ZNF491: variants seen among roughly 807,000 people sequenced by gnomAD.
ZNF491 encodes zinc finger protein 491.
Under a neutral mutation model 34.7 loss-of-function variants are expected in ZNF491, and 22 were observed. The observed-to-expected ratio is 0.63, with a 90% CI of 0.45 to 0.90. The LOEUF is 0.90. Ranked by LOEUF, ZNF491 falls within the 40% of genes least tolerant of loss-of-function variation. ZNF491 has a pLI of 0.00. For missense variants in ZNF491, 559 were observed against 531.7 expected, an observed-to-expected ratio of 1.05 and a Z score of -0.51; for synonymous variants, 148 against 174.3, an observed-to-expected ratio of 0.85 and a Z score of 1.19.
At chr19:11,803,200 T>C (rs1975574471) in intron 1 of ZNF491, among the ~76,000 whole-genome samples, 1 of 152,076 alleles carries the variant, frequency 6.6e-6, no homozygotes, top group Admixed American at 6.6e-5. Context: ...CCAGCCTGGT[T>C]TTGAACTCCT....
At position 11,806,964 on chromosome 19, in the gene ZNF491, A is replaced by T; in HGVS notation, c.1011A>T (p.Arg337Ser). The T allele has an allele frequency of 6.2e-7, 1 of 1,612,466 alleles. No individual in the cohort carries two copies. Among genetic ancestry groups the T allele is most frequent in the Non-Finnish European group, 8.5e-7 (1 of 1,179,506 alleles). Residue 337 changes from arginine (R) to serine (S), a missense_variant, in exon 3 of 3, where the codon AGA (arginine) becomes AGT (serine). Physicochemically the swap from Arg to Ser is moderately radical, Grantham distance 110. Coordinates refer to ENST00000323169, the MANE Select transcript of ZNF491 (RefSeq NM_152356.4). ...GTAAGCAATGTGGGAAAGCCTTCAG[A>T]TCTGCCAAGTACATTCGAATACATG... ...DGCKQCGKAF[R>S]SAKYIRIHGR... is the part of the protein sequence containing the mutation.
intron 1 of ZNF491, among the ~76,000 whole-genome samples, chr19:11,801,609 C>G (rs182006358): frequency 6.6e-6 from 1 of 152,158 alleles, no homozygotes; most frequent in African/African-American, 2.4e-5. Flanking sequence ...GAACCAAGAT[C>G]GCGCCATTGC....
Position 11,807,284 on chromosome 19 carries a change from TA to T in ZNF491, c.*19del. 4 of 1,440,512 alleles carry T rather than the reference TA, an allele frequency of 2.8e-6. No individual in the cohort carries two copies. Among genetic ancestry groups the T allele is most frequent in the Non-Finnish European group, 3.7e-6 (4 of 1,077,066 alleles). The allele number at this position is 1,440,512 out of a possible 1,614,324, so 89.2% of individuals were successfully genotyped here. A position where few individuals can be genotyped will look rare whatever the true frequency, so the allele number is the denominator to read the frequency against. On this transcript the variant is annotated 3_prime_UTR_variant, in exon 3 of 3. Coordinates refer to ENST00000323169, the MANE Select transcript of ZNF491 (RefSeq NM_152356.4). ...AATATATGAGAGAAATGCTATTTTT[TA>T]ATTTTTATTTTAATAGAGACAGGGT...
intron 1 of ZNF491, among the ~76,000 whole-genome samples, chr19:11,802,980 C>CTT (rs60046800): frequency 2.2e-5 from 3 of 136,772 alleles, no homozygotes; most frequent in Admixed American, 7.4e-5. Flanking sequence ...TTTTCCTATT[C>CTT]TTTTTTTTTT....
intron 2 of ZNF491, among the ~76,000 whole-genome samples, chr19:11,805,539 C>G (rs531048937): frequency 6.6e-6 from 1 of 151,422 alleles, no homozygotes; most frequent in Non-Finnish European, 1.5e-5. Context: ...AGAAAGTCTA[C>G]ACTTCATGGG....
At position 11,806,143 on chromosome 19, in the gene ZNF491, C is replaced by G. The variant is rs1568233624; in HGVS notation, c.190C>G (p.Pro64Ala). ...RNIRTDTGHQ[P>A]HKCQKFLEKP... is the part of the protein sequence containing the mutation. ...CATCAGAACTGACACTGGACACCAA[C>G]CACATAAGTGTCAGAAATTTTTAGA... The change falls in exon 3 of 3, where the codon CCA (proline) becomes GCA (alanine). Residue 64 changes from proline to alanine, a missense_variant. Physicochemically the swap from Pro to Ala is conservative, Grantham distance 27 (BLOSUM62 -1). Transcript: ENST00000323169. 1 of 1,613,884 alleles carries G rather than the reference C, an allele frequency of 6.2e-7. No homozygotes were observed.
intron 1 of ZNF491, chr19:11,799,074 A>G (rs1975531004): frequency 1.3e-5 from 2 of 152,316 alleles, no homozygotes; most frequent in Admixed American, 1.3e-4. Context: ...TCTGCTAAAA[A>G]TTAAACTGAG....
In ZNF491 at chr19:11,807,222, C is replaced by T. The variant is rs1267965932; in HGVS notation, c.1269C>T (p.Ser423=). 2 of 1,567,308 alleles carry T rather than the reference C, an allele frequency of 1.3e-6. No homozygotes were observed. The highest frequency in any genetic ancestry group is 1.7e-6 in the Non-Finnish European group (2 of 1,161,986). ...CKECGKAFIR[S]SYCRKHERTH... ...AATGTGGGAAAGCCTTCATTCGTTCCAGTTACTGTCGAAAACATGAAAGAA... is the reference window on the plus strand; with the variant it reads ...AATGTGGGAAAGCCTTCATTCGTTCTAGTTACTGTCGAAAACATGAAAGAA... The change falls in exon 3 of 3, where the codon TCC becomes TCT. Residue 423 remains serine, a synonymous_variant. Coordinates refer to ENST00000323169, the MANE Select transcript of ZNF491 (RefSeq NM_152356.4).
intron 2 of ZNF491, 70 bp from the exon 3 acceptor site, chr19:11,805,877 T>C: frequency 1.6e-6 from 2 of 1,264,274 alleles, no homozygotes; most frequent in Non-Finnish European, 2.2e-6. Flanking sequence ...AATGCAAGTG[T>C]AATACTTATT....
chr19:11,806,490 A>C lies in ZNF491; in HGVS notation c.537A>C (p.Arg179Ser). 6.2e-7 allele frequency: 1 copy of C among 1,613,968 alleles called. No individual in the cohort carries two copies. Among genetic ancestry groups the C allele is most frequent in the Admixed American group, 1.7e-5 (1 of 59,986 alleles). The part of the protein sequence containing the change: ...SWHSSVRIHE[R>S]THTGEKPYEC... ...ACAGTTCTGTTCGAATCCATGAAAGAACTCACACTGGGGAGAAGCCATATG... is the reference window on the plus strand; with the variant it reads ...ACAGTTCTGTTCGAATCCATGAAAGCACTCACACTGGGGAGAAGCCATATG... Residue 179 changes from arginine to serine, a missense_variant, in exon 3 of 3, where the codon AGA (arginine) becomes AGC (serine). Arg to Ser is a moderately radical substitution (Grantham distance 110, BLOSUM62 -1). Coordinates refer to ENST00000323169, the MANE Select transcript of ZNF491 (RefSeq NM_152356.4).
chr19:11,805,631 T>C (rs1458167026), intron 2 of ZNF491, among the ~76,000 whole-genome samples: 1 of 152,086 alleles, frequency 6.6e-6, no homozygotes, highest in Non-Finnish European at 1.5e-5. Flanking sequence ...GAGGACCACT[T>C]GAGGTCAAGA....
rs796527285 is a variant in ZNF491, at chr19:11,798,796, T to A, written c.-134+69T>A. Reference sequence around the variant, plus strand: ...GGGTGGAACCAACAGGATCCTGCTGTGGCGGGACCCAGGCCTCCGCTCGGG... The same window carrying A: ...GGGTGGAACCAACAGGATCCTGCTGAGGCGGGACCCAGGCCTCCGCTCGGG... On this transcript the variant is annotated intron_variant, in intron 1 of 2. Transcript: ENST00000323169. This position sits in a 1 kb window ranked among gnomAD's most constrained non-coding sequence, Gnocchi z 4.0. 2.6e-5 allele frequency: 4 copies of A among 152,430 alleles called. No homozygotes were observed. Among genetic ancestry groups the A allele is most frequent in the African/African-American group, 9.6e-5 (4 of 41,586 alleles). The allele number at this position is 152,430 out of a possible 1,614,324, so 9.4% of individuals were successfully genotyped here.
rs71166629 is a variant in ZNF491 at position 11,804,206 on chromosome 19, CAAAAA to C, written c.-133-316_-133-312del. Among the ~76,000 whole-genome samples, 11 of 69,448 alleles carry C rather than the reference CAAAAA, an allele frequency of 1.6e-4. No individual in the cohort carries two copies. In the East Asian group the frequency reaches 5.4e-3, roughly 34 times the overall value. The allele number at this position is 69,448 out of a possible 152,430, so 45.6% of individuals were successfully genotyped here. On this transcript the variant is annotated intron_variant, in intron 1 of 2. Coordinates refer to ENST00000323169, the MANE Select transcript of ZNF491 (RefSeq NM_152356.4). ...TGACAGAGTGAGGCCCCATCTCAGA[CAAAAA>C]AAAAAAAAAAAAAAAAAAAGATCAA...
chr19:11,804,598 G>A lies in ZNF491; in HGVS notation c.-77G>A. 6.5e-7 allele frequency: 1 copy of A among 1,540,712 alleles called. No homozygotes were observed. The highest frequency in any genetic ancestry group is 8.7e-7 in the Non-Finnish European group (1 of 1,146,614). On this transcript the variant is annotated 5_prime_UTR_variant, in exon 2 of 3. Coordinates refer to ENST00000323169, the MANE Select transcript of ZNF491 (RefSeq NM_152356.4). Reference sequence around the variant, plus strand: ...ACTTCACCCAGGAGGAGTGGGCCTTGTTGAATCCTTTCCAGAAGATCTCTA... The same window carrying A: ...ACTTCACCCAGGAGGAGTGGGCCTTATTGAATCCTTTCCAGAAGATCTCTA...
chr19:11,805,390 CA>C (rs1975597722), intron 2 of ZNF491, among the ~76,000 whole-genome samples: 1 of 81,280 alleles, frequency 1.2e-5, no homozygotes, highest in African/African-American at 4.9e-5. Flanking sequence ...GCCTGGGCAA[CA>C]AGAGCAAAAC....
chr19:11,804,461 G>T, intron 1 of ZNF491, 81 bp from the exon 2 acceptor site: 1 of 1,405,778 alleles, frequency 7.1e-7, no homozygotes, highest in Non-Finnish European at 9.3e-7. Flanking sequence ...ACAGCATCAT[G>T]AGAACTTCTT....
In ZNF491 at chr19:11,808,378, T is replaced by C. The variant is rs550402871; in HGVS notation, c.*1111T>C. Among the ~76,000 whole-genome samples the C allele has an allele frequency of 2.7e-5, 4 of 148,996 alleles. No individual in the cohort carries two copies. Among genetic ancestry groups the C allele is most frequent in the Non-Finnish European group, 5.9e-5 (4 of 67,308 alleles). On this transcript the variant is annotated 3_prime_UTR_variant, in exon 3 of 3. Coordinates refer to ENST00000323169, the MANE Select transcript of ZNF491 (RefSeq NM_152356.4). Reference sequence around the variant, plus strand: ...GCCTGGACAAGAGAGCAATACTCTGTCTCAAAAAAAAAAAAAAAGGTTTAT... The same window carrying C: ...GCCTGGACAAGAGAGCAATACTCTGCCTCAAAAAAAAAAAAAAAGGTTTAT...
At chr19:11,804,345 C>T (rs1189066406) in intron 1 of ZNF491, among the ~76,000 whole-genome samples, 197 bp from the exon 2 acceptor site, 2 of 152,138 alleles carry the variant, frequency 1.3e-5, no homozygotes, top group Non-Finnish European at 2.9e-5. Context: ...TGTTGCTTTA[C>T]CCATAGTTAC....
chr19:11,808,396 A>G lies in ZNF491; in HGVS notation c.*1129A>G, dbSNP rs1249683116. Among the ~76,000 whole-genome samples, 1 of 151,738 alleles carries G rather than the reference A, an allele frequency of 6.6e-6. No individual in the cohort carries two copies. The highest frequency in any genetic ancestry group is 1.5e-5 in the Non-Finnish European group (1 of 67,926). ...TACTCTGTCTCAAAAAAAAAAAAAA[A>G]GGTTTATTCACTGTTTTTCAGTTGT... On this transcript the variant is annotated 3_prime_UTR_variant, in exon 3 of 3. Coordinates refer to ENST00000323169, the MANE Select transcript of ZNF491 (RefSeq NM_152356.4).
Sources: gnomAD v4.1 joint callset for allele counts (sites outside exome capture counted in the v4.1 genomes callset) on GRCh38, gnomAD v4.1.1 for gene constraint, Gnocchi (gnomAD v3.1) non-coding constraint, MANE v1.5 for transcripts, NCBI Gene and HGNC (gene_info 2026-07-23, HGNC 2026-07-21) for gene names.